OVCH1: variants seen among roughly 807,000 people sequenced by gnomAD.
The protein encoded by OVCH1 is ovochymase 1.
A neutral mutation model predicts 138.4 loss-of-function variants in OVCH1; 139 were observed. The ratio of observed to expected loss-of-function variants is 1.00; its 90% confidence interval spans 0.87 to 1.16. The LOEUF is 1.16. OVCH1 is among the 50% of genes most tolerant of loss of function. OVCH1 has a pLI of 0.00. For synonymous variants in OVCH1, 453 were observed against 467.8 expected, an observed-to-expected ratio of 0.97 and a Z score of 0.41; for missense variants, 1,367 against 1,357.9, an observed-to-expected ratio of 1.01 and a Z score of -0.11.
rs143265672 is a variant in OVCH1, at chr12:29,483,958, G to A, written c.995+2288C>T. 2.0e-5 allele frequency among the ~76,000 whole-genome samples: 3 copies of A among 152,222 alleles called. No homozygotes were observed. The East Asian group carries it at 5.8e-4, about 29-fold the overall frequency. ...TTTTATAGTGTGCACTTTCTTGGAT[G>A]GTATGGATTATAAAGCTTATTTCCT... On this transcript the variant is annotated intron_variant, in intron 8 of 27. Coordinates refer to ENST00000318184, the Ensembl canonical transcript of OVCH1.
In OVCH1 at chr12:29,436,409, ATTG is replaced by A. The variant is rs533516914; in HGVS notation, c.3265-2599_3265-2597del. On this transcript the variant is annotated intron_variant, in intron 26 of 27. Coordinates refer to ENST00000318184, the Ensembl canonical transcript of OVCH1. ...TTGACAAGTATAATCATTCTTCAAA[ATTG>A]TTGTCAATTTAGCAGTTAAATTTTC... is the stretch of plus-strand genomic sequence containing the variant. Among the ~76,000 whole-genome samples, 142 of 151,768 alleles carry A rather than the reference ATTG, an allele frequency of 9.4e-4. 1 individual carries two copies. The highest frequency in any genetic ancestry group is 2.8e-3 in the African/African-American group (117 of 41,558).
intron 27 of OVCH1, among the ~76,000 whole-genome samples, chr12:29,429,211 A>C (rs2196489): frequency 0.31 from 46,511 of 152,142 alleles, 8,561 homozygotes; most frequent in Middle Eastern, 0.51. Flanking sequence ...TTACCATCTA[A>C]AAATGCCATT....
rs372356954 is a variant in OVCH1, at chr12:29,477,319, A to G, written c.1246+22T>C. On this transcript the variant is annotated intron_variant, in intron 11 of 27. Coordinates refer to ENST00000318184, the Ensembl canonical transcript of OVCH1. ...CCACATCAAGGGAAAATGGCAAGGA[A>G]TTAAATACCTGAAACACTCACCTGC... 5.6e-6 allele frequency: 9 copies of G among 1,613,762 alleles called. No homozygotes were observed. In the African/African-American group the frequency reaches 1.1e-4, roughly 19 times the overall value.
intron 19 of OVCH1, among the ~76,000 whole-genome samples, chr12:29,460,541 C>G (rs73278736): frequency 0.14 from 20,788 of 152,066 alleles, 1,404 homozygotes; most frequent in African/African-American, 0.15. Flanking sequence ...CCTAAAGTAT[C>G]GGAAATGCTG....
In OVCH1 at chr12:29,493,711, T is replaced by TCATTTTCAGTAACTTTCCACA. The variant is rs1943335525; in HGVS notation, c.454+1573_454+1574insTGTGGAAAGTTACTGAAAATG. ...ATTTTCAAATTTCCCTTCCATCTAA[T>TCATTTTCAGTAACTTTCCACA]AGTTTCTTGTGGTTCAATCATTTTC... On this transcript the variant is annotated intron_variant, in intron 4 of 27. Coordinates refer to ENST00000318184, the Ensembl canonical transcript of OVCH1. Among the ~76,000 whole-genome samples, 3 of 152,302 alleles carry TCATTTTCAGTAACTTTCCACA rather than the reference T, an allele frequency of 2.0e-5. No homozygotes were observed. In the South Asian group the frequency reaches 6.2e-4, roughly 32 times the overall value.
At chr12:29,461,948 C>G (rs1350124345) in exon 19 of OVCH1, 4 of 1,613,786 alleles carry the variant, frequency 2.5e-6, no homozygotes, top group Non-Finnish European at 3.4e-6. Context: ...AGTGTGTTCA[C>G]AGACCTCTCT....
chr12:29,417,789 G>GTC (rs143563487), intron 3 of OVCH1, among the ~76,000 whole-genome samples: 31,438 of 149,616 alleles, frequency 0.21, 3,852 homozygotes, highest in Admixed American at 0.38. Flanking sequence ...GTGTGTGTGT[G>GTC]TGTGTCTGTG....
chr12:29,404,608 T>C, the OVCH1 span, among the ~76,000 whole-genome samples: 1 of 152,148 alleles, frequency 6.6e-6, no homozygotes, highest in Non-Finnish European at 1.5e-5. Flanking sequence ...TGAAGAAACT[T>C]TCAAGCATCT....
chr12:29,497,513 C>T, intron 1 of OVCH1, 110 bp downstream of exon 1: 1 of 1,254,724 alleles, frequency 8.0e-7, no homozygotes, highest in Non-Finnish European at 1.1e-6. Context: ...CCAAATGCCT[C>T]AGGTGTGGCT....
chr12:29,451,593 C>T (rs749329393), intron 21 of OVCH1, 24 bp from the exon 22 acceptor site: 2 of 1,563,696 alleles, frequency 1.3e-6, no homozygotes, highest in Non-Finnish European at 1.7e-6. Flanking sequence ...CACACAGACA[C>T]CAGGGACCAA....
chr12:29,464,615 G>C (rs1942253720), exon 18 of OVCH1: 2 of 1,613,658 alleles, frequency 1.2e-6, no homozygotes, highest in Non-Finnish European at 1.7e-6. Flanking sequence ...TACTCCAGAG[G>C]AGAGCTTAGT....
At chr12:29,413,883 T>G (rs75745922) in intron 3 of OVCH1, among the ~76,000 whole-genome samples, 710 of 33,564 alleles carry the variant, frequency 0.021, 5 homozygotes, top group Admixed American at 0.036. Flanking sequence ...CATCCAAATC[T>G]TTTACGTTAT....
At chr12:29,439,322 A>G in intron 26 of OVCH1, 2 of 1,506,226 alleles carry the variant, frequency 1.3e-6, no homozygotes, top group Non-Finnish European at 1.8e-6. Flanking sequence ...TCTTTGAGTT[A>G]CTCACCACTG....
intron 16 of OVCH1, among the ~76,000 whole-genome samples, chr12:29,470,461 A>G (rs1703217634): frequency 6.6e-6 from 1 of 152,134 alleles, no homozygotes; most frequent in Non-Finnish European, 1.5e-5. Flanking sequence ...GAGTGAGAAC[A>G]TGCATTGTTT....
chr12:29,476,896 C>G (rs1942753207), intron 12 of OVCH1, among the ~76,000 whole-genome samples: 1 of 151,662 alleles, frequency 6.6e-6, no homozygotes, highest in Admixed American at 6.6e-5. Context: ...TGATGAGGAG[C>G]CTTACTTTTC....
intron 8 of OVCH1, 135 bp downstream of exon 8, chr12:29,486,115 G>C: frequency 1.2e-6 from 1 of 839,678 alleles, no homozygotes; most frequent in South Asian, 1.7e-5. Context: ...GTATGAATAT[G>C]AGCAGGGCTT....
chr12:29,456,381 T>C (rs56241141), intron 19 of OVCH1, among the ~76,000 whole-genome samples: 6,187 of 152,294 alleles, frequency 0.041, 165 homozygotes, highest in East Asian at 0.069. Flanking sequence ...TTTTGTACTC[T>C]CTTAGATATG....
chr12:29,461,868 T>C lies in OVCH1; in HGVS notation c.2266A>G (p.Lys756Glu), dbSNP rs746990874. 53 of 1,613,704 alleles carry C rather than the reference T, an allele frequency of 3.3e-5. No homozygotes were observed. Among genetic ancestry groups the C allele is most frequent in the Non-Finnish European group, 4.2e-5 (49 of 1,179,746 alleles). ...AATCCTCTCACCTGGCAGAAATCTT[T>C]CTCTCCAGATGCTGCAAAGCCAGCA... The change falls in exon 19 of 28, where the codon AAA (lysine) becomes GAA (glutamate). Residue 756 changes from lysine to glutamate, a missense_variant. Lys to Glu is a moderately conservative substitution (Grantham distance 56). Transcript: ENST00000318184.
At chr12:29,423,932 C>T (rs903554518), downstream of OVCH1, among the ~76,000 whole-genome samples, 1 of 152,066 alleles carries the variant, frequency 6.6e-6, no homozygotes, top group Admixed American at 6.5e-5. Context: ...AACAAATAAC[C>T]TGGAAGTTTT....
Sources: gnomAD v4.1 joint callset for allele counts (sites outside exome capture counted in the v4.1 genomes callset) on GRCh38, gnomAD v4.1.1 for gene constraint, MANE v1.5 for transcripts, NCBI Gene and HGNC (gene_info 2026-07-23, HGNC 2026-07-21) for gene names.